Variants in TMEM196 observed in about 807,000 individuals in gnomAD.
TMEM196 encodes transmembrane protein 196.
TMEM196 carries 17 observed loss-of-function variants against 20.0 expected under a neutral mutation model. The ratio of observed to expected loss-of-function variants is 0.85; its 90% CI spans 0.58 to 1.27. TMEM196 has a LOEUF of 1.27. Among genes scored for constraint, TMEM196 ranks in the 50% most tolerant of loss-of-function variants. The pLI, the probability that TMEM196 is intolerant of heterozygous loss-of-function variation, is 0.00. For synonymous variants in TMEM196, 113 were observed against 88.9 expected (o/e 1.27, Z -1.52); for missense variants, 267 against 223.0 (o/e 1.20, Z -1.26).
At chr7:19,760,007 A>T (rs1343115828) in intron 1 of TMEM196, among the ~76,000 whole-genome samples, 1 of 152,118 alleles carries the variant, frequency 6.6e-6, no homozygotes, top group Non-Finnish European at 1.5e-5. Context: ...TTTTCCATAG[A>T]TCCTTTTATA....
rs1277397046 is a variant in TMEM196 at position 19,721,663 on chromosome 7, G to A, written c.*465C>T. The A allele has an allele frequency of 6.5e-6, 1 of 154,032 alleles. No individual in the cohort carries two copies. The highest frequency in any genetic ancestry group is 1.4e-5 in the Non-Finnish European group (1 of 69,378). The allele number at this position is 154,032 out of a possible 1,614,324, so 9.5% of individuals were successfully genotyped here. ...AATTGTAGCATCCTTGAAGCCATCT[G>A]TCTTTCAGAACAAAGACGTCAATAA... is the stretch of plus-strand genomic sequence containing the variant. On this transcript the variant is annotated 3_prime_UTR_variant, in exon 5 of 5. Transcript: ENST00000405844.
At chr7:19,758,198 C>T (rs1785293049) in intron 1 of TMEM196, among the ~76,000 whole-genome samples, 1 of 152,044 alleles carries the variant, frequency 6.6e-6, no homozygotes, top group Non-Finnish European at 1.5e-5. Flanking sequence ...CCAAATTGAT[C>T]AATAGCTCTT....
At chr7:19,728,872 C>A (rs1784091334) in intron 2 of TMEM196, among the ~76,000 whole-genome samples, 1 of 152,174 alleles carries the variant, frequency 6.6e-6, no homozygotes, top group Non-Finnish European at 1.5e-5. Context: ...CTTATGTGTG[C>A]ATTCACAGTA....
rs1046520614 is a variant in TMEM196 at position 19,724,169 on chromosome 7, A to G, written c.533+111T>C. On this transcript the variant is annotated intron_variant, in intron 4 of 4. Coordinates refer to ENST00000405844, the MANE Select transcript of TMEM196 (RefSeq NM_001363562.2). The stretch of plus-strand genomic sequence containing the variant: ...TACGAAAGCGATACTTTGAGAAACA[A>G]CATTAAACAACATCAGTTCAGACTG... 5.3e-6 allele frequency: 5 copies of G among 947,256 alleles called. No homozygotes were observed. In the African/African-American group the frequency reaches 8.3e-5, roughly 16 times the overall value. The allele number at this position is 947,256 out of a possible 1,614,324, so 58.7% of individuals were successfully genotyped here. A position where few individuals can be genotyped will look rare whatever the true frequency, so the allele number is the denominator to read the frequency against.
chr7:19,730,231 G>A (rs892773196), intron 1 of TMEM196, among the ~76,000 whole-genome samples: 2 of 151,114 alleles, frequency 1.3e-5, no homozygotes, highest in Non-Finnish European at 2.9e-5. Context: ...ATTCCAGCCT[G>A]GGTGACGGAG....
intron 4 of TMEM196, among the ~76,000 whole-genome samples, chr7:19,722,711 T>A (rs1323188094): frequency 3.3e-5 from 5 of 152,170 alleles, no homozygotes; most frequent in African/African-American, 1.2e-4. Flanking sequence ...ATGTTTTTAA[T>A]GGATCAATTA....
In TMEM196 at chr7:19,731,231, T is replaced by G. The variant is rs1784190374; in HGVS notation, c.148-1793A>C. 2.0e-5 allele frequency among the ~76,000 whole-genome samples: 3 copies of G among 152,200 alleles called. No individual in the cohort carries two copies. The South Asian group carries it at 6.2e-4, about 31-fold the overall frequency. Reference sequence around the variant, plus strand: ...TAACATACTTTAGAAATAGATCTAATAAAATATTTTTAGTATTATAAAACC... The same window carrying G: ...TAACATACTTTAGAAATAGATCTAAGAAAATATTTTTAGTATTATAAAACC... On this transcript the variant is annotated intron_variant, in intron 1 of 4. Coordinates refer to ENST00000405844, the MANE Select transcript of TMEM196 (RefSeq NM_001363562.2).
chr7:19,744,902 A>G (rs1784699478), intron 1 of TMEM196, among the ~76,000 whole-genome samples: 2 of 152,214 alleles, frequency 1.3e-5, no homozygotes. Flanking sequence ...AAAAAAAGCC[A>G]ACAACAACAA....
intron 1 of TMEM196, among the ~76,000 whole-genome samples, chr7:19,729,794 A>G (rs1175524702): frequency 6.6e-6 from 1 of 152,166 alleles, no homozygotes; most frequent in Non-Finnish European, 1.5e-5. Context: ...ACACTTAACA[A>G]CTAGAAATCA....
chr7:19,748,082 T>C (rs1784825288), intron 1 of TMEM196, among the ~76,000 whole-genome samples: 1 of 152,118 alleles, frequency 6.6e-6, no homozygotes, highest in South Asian at 2.1e-4. Flanking sequence ...GTCTCTCCCA[T>C]GCATATTTAT....
At chr7:19,730,052 C>T (rs370903358) in intron 1 of TMEM196, among the ~76,000 whole-genome samples, 7 of 152,130 alleles carry the variant, frequency 4.6e-5, no homozygotes, top group Non-Finnish European at 7.4e-5. Flanking sequence ...GTCAGGAGAT[C>T]GAGACCATCC....
intron 1 of TMEM196, among the ~76,000 whole-genome samples, chr7:19,756,523 C>T (rs769650182): frequency 6.6e-6 from 1 of 152,020 alleles, no homozygotes; most frequent in Non-Finnish European, 1.5e-5. Flanking sequence ...CTCCTCCCAT[C>T]GTCCACCCTC....
intron 1 of TMEM196, among the ~76,000 whole-genome samples, chr7:19,771,278 CTT>C (rs1562633441): frequency 6.6e-6 from 1 of 152,024 alleles, no homozygotes; most frequent in Non-Finnish European, 1.5e-5. Context: ...CTGATAGTAA[CTT>C]ATTATTGAAT....
intron 1 of TMEM196, among the ~76,000 whole-genome samples, chr7:19,732,343 G>A (rs1021466299): frequency 2.6e-5 from 4 of 152,146 alleles, no homozygotes; most frequent in African/African-American, 9.7e-5. Context: ...GGGAGGCTGA[G>A]GTGGGCGGAT....
rs1406637073 is a variant in TMEM196 at position 19,721,548 on chromosome 7, T to G, written c.*580A>C. ...TCTCTTTTTTATGCTTGAGGTTTTTTGTCATTTACAAATAAATTATGAAAT... is the reference window on the plus strand; with the variant it reads ...TCTCTTTTTTATGCTTGAGGTTTTTGGTCATTTACAAATAAATTATGAAAT... On this transcript the variant is annotated 3_prime_UTR_variant, in exon 5 of 5. Coordinates refer to ENST00000405844, the MANE Select transcript of TMEM196 (RefSeq NM_001363562.2). 1 of 152,088 alleles carries G rather than the reference T, an allele frequency of 6.6e-6. No individual in the cohort carries two copies. Among genetic ancestry groups the G allele is most frequent in the Non-Finnish European group, 1.5e-5 (1 of 67,934 alleles). The allele number at this position is 152,088 out of a possible 1,614,324, so 9.4% of individuals were successfully genotyped here. A position where few individuals can be genotyped will look rare whatever the true frequency, so the allele number is the denominator to read the frequency against.
intron 1 of TMEM196, among the ~76,000 whole-genome samples, chr7:19,741,669 T>A (rs1784584623): frequency 6.6e-6 from 1 of 152,164 alleles, no homozygotes; most frequent in Admixed American, 6.6e-5. Context: ...ACAAATAGAC[T>A]TTTCTACATA....
intron 1 of TMEM196, among the ~76,000 whole-genome samples, chr7:19,765,562 A>T (rs978904269): frequency 1.3e-5 from 2 of 152,162 alleles, no homozygotes; most frequent in South Asian, 4.1e-4. Flanking sequence ...ATAGTTCTAA[A>T]TGTTTTTTGA....
At chr7:19,768,796 T>C (rs1158448440) in intron 1 of TMEM196, among the ~76,000 whole-genome samples, 1 of 152,152 alleles carries the variant, frequency 6.6e-6, no homozygotes, top group Non-Finnish European at 1.5e-5. Context: ...TATTTAAAAA[T>C]TTATCACAGG....
Position 19,751,497 on chromosome 7 carries a change from T to C in TMEM196, c.147+21053A>G, listed in dbSNP as rs1037644853. On this transcript the variant is annotated intron_variant, in intron 1 of 4. Transcript: ENST00000405844. ...CTGTGTCACACACAAGTGGGACTTA[T>C]AGCAGCTAATTAAAGTCTCTGACTC... is the stretch of plus-strand genomic sequence containing the variant. 6.6e-5 allele frequency among the ~76,000 whole-genome samples: 10 copies of C among 152,368 alleles called. No homozygotes were observed. In the South Asian group the frequency reaches 1.2e-3, roughly 19 times the overall value.
Sources: allele counts gnomAD v4.1 joint callset (sites outside exome capture counted in the v4.1 genomes callset), GRCh38; gene constraint gnomAD v4.1.1; transcripts MANE v1.5; gene names NCBI Gene and HGNC (gene_info 2026-07-23, HGNC 2026-07-21).